Variants in SLC8A1 observed in about 807,000 individuals in gnomAD.
SLC8A1 encodes sodium/calcium exchanger 1.
A neutral mutation model predicts 68.3 loss-of-function variants in SLC8A1; 18 were observed. The ratio of observed to expected loss-of-function variants is 0.26; its 90% CI spans 0.18 to 0.39. The LOEUF (loss-of-function observed/expected upper bound fraction) is 0.39, where lower values mean the gene tolerates loss of function less well. SLC8A1 is among the 10% of genes least tolerant of loss of function. The pLI, the probability that SLC8A1 is intolerant of heterozygous loss-of-function variation, is 1.00. For missense variants in SLC8A1, 985 were observed against 1,156.7 expected (o/e 0.85, Z 2.15); for synonymous variants, 475 against 415.5 (o/e 1.14, Z -1.74).
At chr2:40,448,514 T>C (rs568304825) in intron 1 of SLC8A1, among the ~76,000 whole-genome samples, 1 of 152,282 alleles carries the variant, frequency 6.6e-6, no homozygotes, top group African/African-American at 2.4e-5. Flanking sequence ...ATACCTTCGT[T>C]TAAAAAGAAA....
intron 4 of SLC8A1, among the ~76,000 whole-genome samples, chr2:40,167,682 A>G (rs1462620088): frequency 6.6e-6 from 1 of 152,060 alleles, no homozygotes; most frequent in East Asian, 1.9e-4. Context: ...AAGCTTCACA[A>G]TTTTCATTTT....
chr2:40,214,559 C>T (rs909134399), intron 2 of SLC8A1, among the ~76,000 whole-genome samples: 3 of 151,832 alleles, frequency 2.0e-5, no homozygotes, highest in Non-Finnish European at 4.4e-5. Context: ...CTCCTGCCTC[C>T]GCCTCCCGAG....
Position 40,380,322 on chromosome 2 carries a change from C to G in SLC8A1, c.1808+48151G>C, listed in dbSNP as rs1681334766. Among the ~76,000 whole-genome samples, 4 of 152,130 alleles carry G rather than the reference C, an allele frequency of 2.6e-5. 1 individual carries two copies. Among genetic ancestry groups the G allele is most frequent in the Admixed American group, 2.6e-4 (4 of 15,268 alleles). The stretch of plus-strand genomic sequence containing the variant: ...CTTCACAGTCTATTTACAAAACAGC[C>G]TGGAAGAATAATAAATCAATCCTAA... On this transcript the variant is annotated intron_variant, in intron 2 of 7. Transcript: ENST00000406785.
In SLC8A1 at chr2:40,200,231, T is replaced by TAA. The variant is rs1558722850; in HGVS notation, c.1809-22377_1809-22376insTT. 3.4e-3 allele frequency among the ~76,000 whole-genome samples: 50 copies of TAA among 14,644 alleles called. 4 individuals carry two copies. The highest frequency in any genetic ancestry group is 5.9e-3 in the African/African-American group (23 of 3,876). 9.6% of individuals were successfully genotyped at this position (14,644 alleles called of 152,430 possible). A position where few individuals can be genotyped will look rare whatever the true frequency, so the allele number is the denominator to read the frequency against. ...AAATATATATATATTTTTTTATATA[T>TAA]ATATATAAATATATATATATATATA... On this transcript the variant is annotated intron_variant, in intron 2 of 7. Transcript: ENST00000406785.
intron 1 of SLC8A1, among the ~76,000 whole-genome samples, chr2:40,510,323 T>C (rs1164119339): frequency 6.6e-6 from 1 of 152,194 alleles, no homozygotes; most frequent in African/African-American, 2.4e-5. Context: ...ATATACAAAA[T>C]TAGCAGTAAG....
chr2:40,496,159 C>T (rs1032394304), intron 1 of SLC8A1, among the ~76,000 whole-genome samples: 2 of 151,984 alleles, frequency 1.3e-5, no homozygotes, highest in African/African-American at 4.8e-5. Context: ...ACTTCAGATG[C>T]CATCTGAGCA....
At chr2:40,103,258 C>G (rs560324363) in exon 8 of SLC8A1, 6 of 152,286 alleles carry the variant, frequency 3.9e-5, no homozygotes, top group Admixed American at 2.6e-4. Context: ...TTTTCTTCCA[C>G]CCCATGGAAA....
chr2:40,231,324 T>C (rs1244276060), intron 2 of SLC8A1, among the ~76,000 whole-genome samples: 15 of 152,142 alleles, frequency 9.9e-5, no homozygotes, highest in Admixed American at 3.3e-4. Flanking sequence ...AAAATGTTCA[T>C]TGGACTTATG....
chr2:40,270,344 T>A (rs561919972), intron 2 of SLC8A1, among the ~76,000 whole-genome samples: 9 of 152,334 alleles, frequency 5.9e-5, no homozygotes, highest in African/African-American at 2.2e-4. Flanking sequence ...TGCAAAACAA[T>A]GCAAATTTAT....
At chr2:40,188,979 G>A (rs370769351) in intron 2 of SLC8A1, among the ~76,000 whole-genome samples, 4 of 151,968 alleles carry the variant, frequency 2.6e-5, no homozygotes, top group African/African-American at 7.3e-5. Flanking sequence ...ATATTTTATT[G>A]GTATTTCACA....
intron 2 of SLC8A1, among the ~76,000 whole-genome samples, chr2:40,389,218 A>G (rs1190243329): frequency 1.3e-5 from 2 of 152,120 alleles, no homozygotes; most frequent in East Asian, 3.9e-4. Flanking sequence ...GACAATTTGT[A>G]GAGATCAATA....
Position 40,264,632 on chromosome 2 carries a change from T to C in SLC8A1, c.1809-86777A>G, listed in dbSNP as rs531843105. On this transcript the variant is annotated intron_variant, in intron 2 of 7. Transcript: ENST00000406785. ...ACCAAACACCGCGTGTTCTCACTCA[T>C]AGGTGGGAATTGAACAATGAGAACA... Among the ~76,000 whole-genome samples, 8 of 152,160 alleles carry C rather than the reference T, an allele frequency of 5.3e-5. No homozygotes were observed. In the South Asian group the frequency reaches 1.2e-3, roughly 24 times the overall value.
intron 2 of SLC8A1, among the ~76,000 whole-genome samples, chr2:40,279,378 A>G (rs1443604644): frequency 3.9e-5 from 6 of 152,230 alleles, no homozygotes; most frequent in Non-Finnish European, 8.8e-5. Context: ...AAATGCTGCT[A>G]AAACAGAAAG....
chr2:40,338,390 C>A (rs1490643587), intron 2 of SLC8A1, among the ~76,000 whole-genome samples: 1 of 151,956 alleles, frequency 6.6e-6, no homozygotes, highest in Non-Finnish European at 1.5e-5. Context: ...TGTGTGTATG[C>A]CTTAAAGCTT....
In SLC8A1 at chr2:40,442,275, A is replaced by G. The variant is rs545931813; in HGVS notation, c.-25+9629T>C. 2.0e-5 allele frequency among the ~76,000 whole-genome samples: 3 copies of G among 151,128 alleles called. No homozygotes were observed. In the South Asian group the frequency reaches 6.2e-4, roughly 31 times the overall value. ...AAAAGTGATAATTCAAAAAAAAAAG[A>G]AAAAAGAAAAAGAAACTAGCATCAG... On this transcript the variant is annotated intron_variant, in intron 1 of 7. Transcript: ENST00000406785.
chr2:40,365,225 A>T (rs1028986579), intron 2 of SLC8A1, among the ~76,000 whole-genome samples: 18 of 152,100 alleles, frequency 1.2e-4, no homozygotes, highest in African/African-American at 4.3e-4. Context: ...AACCAAAAAA[A>T]AAAATGAAAG....
At chr2:40,446,322 G>C (rs1426732192) in intron 1 of SLC8A1, 1 of 152,188 alleles carries the variant, frequency 6.6e-6, no homozygotes, top group East Asian at 1.9e-4. Context: ...GTTGTTATTT[G>C]TTTCAGATCC....
At chr2:40,203,733 T>C (rs2054846291) in intron 2 of SLC8A1, among the ~76,000 whole-genome samples, 2 of 151,912 alleles carry the variant, frequency 1.3e-5, no homozygotes, top group African/African-American at 4.8e-5. Context: ...TGAGACAGGG[T>C]CTTGTTTTGT....
At chr2:40,343,317 A>G (rs1668286183) in intron 2 of SLC8A1, among the ~76,000 whole-genome samples, 1 of 152,156 alleles carries the variant, frequency 6.6e-6, no homozygotes, top group Non-Finnish European at 1.5e-5. Flanking sequence ...AAACATGTCT[A>G]TGAACATCAC....
Sources: gnomAD v4.1 joint callset for allele counts (sites outside exome capture counted in the v4.1 genomes callset) on GRCh38, gnomAD v4.1.1 for gene constraint, MANE v1.5 for transcripts, NCBI Gene and HGNC (gene_info 2026-07-23, HGNC 2026-07-21) for gene names.